Variants in KIAA1328 observed in about 807,000 individuals in gnomAD.
KIAA1328 encodes the protein KIAA1328.
In KIAA1328, 52 loss-of-function variants were observed where a neutral mutation model predicts 68.1. The ratio of observed to expected loss-of-function variants is 0.76; its 90% CI spans 0.61 to 0.96. KIAA1328 has a LOEUF of 0.96. Among genes scored for constraint, KIAA1328 ranks in the 40% least tolerant of loss-of-function variants. KIAA1328 has a pLI of 0.00. For missense variants in KIAA1328, 641 were observed against 677.6 expected, an observed-to-expected ratio of 0.95 and a Z score of 0.60; for synonymous variants, 232 against 239.4, an observed-to-expected ratio of 0.97 and a Z score of 0.28.
chr18:36,992,959 C>T (rs900506411), intron 6 of KIAA1328, among the ~76,000 whole-genome samples: 14 of 151,976 alleles, frequency 9.2e-5, no homozygotes, highest in Admixed American at 7.2e-4. Flanking sequence ...CCAAAAAAAT[C>T]AGTTGGGTGG....
chr18:37,022,506 T>G (rs2054386387), intron 6 of KIAA1328, among the ~76,000 whole-genome samples: 1 of 152,180 alleles, frequency 6.6e-6, no homozygotes. Context: ...CATTGTTCTG[T>G]TAACTGGTGT....
chr18:37,225,120 T>G lies in KIAA1328; in HGVS notation c.*2893T>G, dbSNP rs531074342. 179 of 985,054 alleles carry G rather than the reference T, an allele frequency of 1.8e-4. 1 individual carries two copies. The African/African-American group carries it at 2.7e-3, about 15-fold the overall frequency. 61.0% of individuals were successfully genotyped at this position (985,054 alleles called of 1,614,324 possible). A position where few individuals can be genotyped will look rare whatever the true frequency, so the allele number is the denominator to read the frequency against. ...ACTTGTCCCTGCTTCCGGCACCAAG[T>G]TCATAATAGAGATCTTCTGGCCAGA... On this transcript the variant is annotated 3_prime_UTR_variant, in exon 10 of 10. Transcript: ENST00000280020.
intron 5 of KIAA1328, among the ~76,000 whole-genome samples, chr18:36,921,639 C>T (rs1173685482): frequency 6.6e-6 from 1 of 152,104 alleles, no homozygotes; most frequent in African/African-American, 2.4e-5. Flanking sequence ...CACCTGACCT[C>T]GTGATCCACC....
chr18:37,095,379 T>C (rs1241554992), intron 7 of KIAA1328, among the ~76,000 whole-genome samples: 1 of 152,178 alleles, frequency 6.6e-6, no homozygotes, highest in Non-Finnish European at 1.5e-5. Context: ...ATATGAAATA[T>C]TTTATCTCAC....
chr18:37,009,228 A>G (rs1168814772), intron 6 of KIAA1328, among the ~76,000 whole-genome samples: 1 of 152,096 alleles, frequency 6.6e-6, no homozygotes, highest in Non-Finnish European at 1.5e-5. Flanking sequence ...TTTTTTTACT[A>G]TCTTTCTTTC....
intron 5 of KIAA1328, among the ~76,000 whole-genome samples, chr18:36,891,181 A>C (rs1300434654): frequency 6.6e-6 from 1 of 152,234 alleles, no homozygotes; most frequent in Non-Finnish European, 1.5e-5. Flanking sequence ...CCCACGCCTC[A>C]TACCACACAC....
At chr18:37,164,051 C>T (rs984340164) in intron 8 of KIAA1328, among the ~76,000 whole-genome samples, 3 of 152,150 alleles carry the variant, frequency 2.0e-5, no homozygotes, top group Non-Finnish European at 4.4e-5. Flanking sequence ...GTCACCTAAA[C>T]CAGAGGGTCT....
At chr18:37,192,862 G>C (rs1230584090) in intron 9 of KIAA1328, among the ~76,000 whole-genome samples, 1 of 152,168 alleles carries the variant, frequency 6.6e-6, no homozygotes, top group Non-Finnish European at 1.5e-5. Context: ...TACAGGCATG[G>C]GGATCAAAGG....
chr18:36,839,982 A>C (rs961670852), intron 3 of KIAA1328, among the ~76,000 whole-genome samples: 1 of 152,294 alleles, frequency 6.6e-6, no homozygotes, highest in East Asian at 1.9e-4. Flanking sequence ...GGGATTCTGC[A>C]GATCCCTGGA....
intron 5 of KIAA1328, among the ~76,000 whole-genome samples, chr18:36,910,717 A>G (rs968156487): frequency 3.3e-5 from 5 of 152,100 alleles, no homozygotes; most frequent in African/African-American, 1.2e-4. Flanking sequence ...CTTGGGCAGT[A>G]TGGCCATTTT....
chr18:37,145,096 A>G (rs540097057), intron 7 of KIAA1328, among the ~76,000 whole-genome samples: 44 of 152,206 alleles, frequency 2.9e-4, no homozygotes, highest in African/African-American at 9.6e-4. Flanking sequence ...GTAGCCAGGC[A>G]TGATGGTACA....
intron 8 of KIAA1328, among the ~76,000 whole-genome samples, chr18:37,171,062 A>G (rs1281181950): frequency 6.6e-6 from 1 of 152,244 alleles, no homozygotes; most frequent in Non-Finnish European, 1.5e-5. Context: ...TTTCATAGCT[A>G]TATAAAGTTA....
At chr18:37,141,584 C>T (rs2154208213) in intron 7 of KIAA1328, among the ~76,000 whole-genome samples, 1 of 152,234 alleles carries the variant, frequency 6.6e-6, no homozygotes, top group East Asian at 1.9e-4. Context: ...CTTTAGTGGA[C>T]ATGTTTTCTT....
At chr18:37,214,469 G>T (rs1236024715) in intron 9 of KIAA1328, among the ~76,000 whole-genome samples, 3 of 152,076 alleles carry the variant, frequency 2.0e-5, no homozygotes, top group African/African-American at 7.2e-5. Flanking sequence ...TAGATGTGTG[G>T]CATTATTTCT....
chr18:37,118,704 T>G (rs2058188528), intron 7 of KIAA1328, among the ~76,000 whole-genome samples: 1 of 152,160 alleles, frequency 6.6e-6, no homozygotes, highest in Admixed American at 6.6e-5. Context: ...GAAGTATTCT[T>G]CCCTTTGGAA....
intron 7 of KIAA1328, among the ~76,000 whole-genome samples, chr18:37,117,157 G>T (rs573613972): frequency 2.0e-5 from 3 of 150,664 alleles, no homozygotes; most frequent in South Asian, 2.1e-4. Flanking sequence ...CATCCCAAGG[G>T]ATTATAAATC....
At chr18:37,157,361 A>T (rs972549680) in intron 7 of KIAA1328, among the ~76,000 whole-genome samples, 1 of 151,930 alleles carries the variant, frequency 6.6e-6, no homozygotes, top group African/African-American at 2.4e-5. Context: ...TATTTCTTCT[A>T]CTCCCTTCTA....
intron 7 of KIAA1328, among the ~76,000 whole-genome samples, chr18:37,146,738 A>G (rs911917013): frequency 6.6e-6 from 1 of 152,180 alleles, no homozygotes. Context: ...CTAACTTACT[A>G]CAGTCTACAT....
intron 7 of KIAA1328, among the ~76,000 whole-genome samples, chr18:37,143,521 CTTTTTT>C (rs57046567): frequency 2.5e-4 from 23 of 90,768 alleles, no homozygotes; most frequent in African/African-American, 5.3e-4. Flanking sequence ...TTTTTTCTTT[CTTTTTT>C]TTTTTTTTTT....
Sources: allele counts gnomAD v4.1 joint callset (sites outside exome capture counted in the v4.1 genomes callset), GRCh38; gene constraint gnomAD v4.1.1; transcripts MANE v1.5; gene names NCBI Gene and HGNC (gene_info 2026-07-23, HGNC 2026-07-21).